TMCO5A: variants seen among roughly 807,000 people sequenced by gnomAD.
The protein encoded by TMCO5A is transmembrane and coiled-coil domain-containing protein 5A.
A neutral mutation model predicts 42.3 loss-of-function variants in TMCO5A; 34 were observed. The observed-to-expected ratio is 0.80, with a 90% confidence interval of 0.61 to 1.07. The LOEUF (loss-of-function observed/expected upper bound fraction) is 1.07. TMCO5A is among the 50% of genes least tolerant of loss of function. TMCO5A has a pLI of 0.00. For missense variants in TMCO5A, 357 were observed against 327.9 expected (o/e 1.09, Z -0.69); for synonymous variants, 131 against 115.6 (o/e 1.13, Z -0.86).
intron 10 of TMCO5A, among the ~76,000 whole-genome samples, chr15:37,945,418 A>G (rs956431938): frequency 3.3e-5 from 5 of 152,050 alleles, no homozygotes; most frequent in Non-Finnish European, 7.4e-5. Flanking sequence ...GTCAAATGGT[A>G]TTTCTGCCTC....
At chr15:38,016,399 T>A in the TMCO5A span, among the ~76,000 whole-genome samples, 10 of 152,034 alleles carry the variant, frequency 6.6e-5, no homozygotes. Flanking sequence ...CTGTGGGCAA[T>A]GGGGACTCCT....
At chr15:38,031,848 G>T in the TMCO5A span, among the ~76,000 whole-genome samples, 1 of 152,090 alleles carries the variant, frequency 6.6e-6, no homozygotes, top group Non-Finnish European at 1.5e-5. Flanking sequence ...CCCTGCCATA[G>T]CCCACTGCCC....
At chr15:37,982,318 T>C in the TMCO5A span, among the ~76,000 whole-genome samples, 1 of 151,826 alleles carries the variant, frequency 6.6e-6, no homozygotes, top group Non-Finnish European at 1.5e-5. Flanking sequence ...ATGCGCACAC[T>C]GAAGCAGGAC....
At chr15:37,965,708 A>G (rs557603256) in intron 11 of TMCO5A, among the ~76,000 whole-genome samples, 11 of 152,216 alleles carry the variant, frequency 7.2e-5, no homozygotes, top group Non-Finnish European at 1.5e-4. Context: ...CTACAATGAG[A>G]TATCATCTCA....
chr15:37,941,553 A>G (rs1471894448), intron 7 of TMCO5A, 118 bp from the exon 8 acceptor site: 12 of 804,020 alleles, frequency 1.5e-5, no homozygotes, highest in Non-Finnish European at 2.3e-5. Flanking sequence ...AAAAGAAAAC[A>G]TATTTAGAAC....
chr15:37,983,344 G>A, the TMCO5A span, among the ~76,000 whole-genome samples: 1 of 152,126 alleles, frequency 6.6e-6, no homozygotes, highest in Non-Finnish European at 1.5e-5. Context: ...TGAGTAAACA[G>A]CACAACCTAG....
the TMCO5A span, among the ~76,000 whole-genome samples, chr15:38,027,746 C>G: frequency 1.3e-5 from 2 of 152,158 alleles, no homozygotes; most frequent in African/African-American, 4.8e-5. Context: ...ATAATTGAAT[C>G]ATGGGAACAG....
rs184577989 is a variant in TMCO5A, at chr15:37,959,267, A to T, written c.669-7358A>T. ...GTACCCCAGAATTTAAAGTATAATT[A>T]AAAAATAAATAAAGATGAACTAATA... On this transcript the variant is annotated intron_variant, in intron 11 of 11. Transcript: ENST00000559502. 9.2e-5 allele frequency among the ~76,000 whole-genome samples: 14 copies of T among 152,168 alleles called. No individual in the cohort carries two copies. The East Asian group carries it at 2.7e-3, about 29-fold the overall frequency.
intron 4 of TMCO5A, 31 bp downstream of exon 4, chr15:37,937,001 T>C (rs781051370): frequency 1.2e-6 from 2 of 1,610,042 alleles, no homozygotes; most frequent in Non-Finnish European, 1.7e-6. Flanking sequence ...AGCCATTTAA[T>C]AGGTTGCATT....
At chr15:37,983,150 T>A in the TMCO5A span, among the ~76,000 whole-genome samples, 2 of 152,202 alleles carry the variant, frequency 1.3e-5, no homozygotes, top group African/African-American at 4.8e-5. Context: ...AGAAAGAGCA[T>A]GTCATGTGCT....
At chr15:38,021,512 T>G in the TMCO5A span, among the ~76,000 whole-genome samples, 1 of 152,154 alleles carries the variant, frequency 6.6e-6, no homozygotes, top group South Asian at 2.1e-4. Flanking sequence ...ATTCATAATC[T>G]ATTATTGGAC....
intron 5 of TMCO5A, 93 bp downstream of exon 5, chr15:37,937,489 A>C: frequency 7.2e-7 from 1 of 1,395,494 alleles, no homozygotes; most frequent in Non-Finnish European, 1.0e-6. Context: ...AGAGGAACCC[A>C]TAAGTCAGAG....
chr15:37,968,945 A>G (rs567401816), downstream of TMCO5A, among the ~76,000 whole-genome samples: 17 of 152,320 alleles, frequency 1.1e-4, no homozygotes, highest in African/African-American at 4.1e-4. Context: ...TGATTTGAGG[A>G]AAAAAGGGAA....
At chr15:38,032,627 TC>T in the TMCO5A span, among the ~76,000 whole-genome samples, 48 of 152,284 alleles carry the variant, frequency 3.2e-4, no homozygotes, top group African/African-American at 1.1e-3. Flanking sequence ...GCCTCGATGT[TC>T]CCATGAGTGT....
At chr15:37,978,840 G>A in the TMCO5A span, among the ~76,000 whole-genome samples, 2 of 152,192 alleles carry the variant, frequency 1.3e-5, no homozygotes, top group Admixed American at 6.5e-5. Flanking sequence ...GAAGCATGGC[G>A]GCATCTGCTT....
At chr15:38,001,565 T>C in the TMCO5A span, among the ~76,000 whole-genome samples, 1 of 152,080 alleles carries the variant, frequency 6.6e-6, no homozygotes, top group Non-Finnish European at 1.5e-5. Flanking sequence ...GTATCCTGAT[T>C]GTTTTGTGGT....
downstream of TMCO5A, among the ~76,000 whole-genome samples, chr15:37,971,657 C>A (rs1309419747): frequency 1.3e-5 from 2 of 152,154 alleles, no homozygotes; most frequent in Non-Finnish European, 2.9e-5. Context: ...CAAGTCATAT[C>A]TTTAATGCTT....
At chr15:37,967,649 A>C (rs1359307052) in exon 12 of TMCO5A, 1 of 152,222 alleles carries the variant, frequency 6.6e-6, no homozygotes, top group Non-Finnish European at 1.5e-5. Flanking sequence ...TGTCACATAC[A>C]GGCACTATTC....
intron 10 of TMCO5A, among the ~76,000 whole-genome samples, chr15:37,945,031 C>T (rs1889891540): frequency 6.6e-6 from 1 of 152,084 alleles, no homozygotes; most frequent in Non-Finnish European, 1.5e-5. Flanking sequence ...CCCACTACCT[C>T]AACCCCACTG....
Sources: allele counts gnomAD v4.1 joint callset (sites outside exome capture counted in the v4.1 genomes callset), GRCh38; gene constraint gnomAD v4.1.1; transcripts MANE v1.5; gene names NCBI Gene and HGNC (gene_info 2026-07-23, HGNC 2026-07-21).